OPRL1: variants seen among roughly 807,000 people sequenced by gnomAD.
OPRL1 encodes opioid related nociceptin receptor 1.
A neutral mutation model predicts 15.5 loss-of-function variants in OPRL1; 5 were observed. The observed-to-expected ratio is 0.32, with a 90% CI of 0.17 to 0.68. The LOEUF is 0.68. Ranked by LOEUF, OPRL1 falls within the 30% of genes least tolerant of loss-of-function variation. OPRL1 has a pLI of 0.72. For missense variants in OPRL1, 406 were observed against 515.3 expected (o/e 0.79, Z 2.05); for synonymous variants, 223 against 230.2 (o/e 0.97, Z 0.28).
At position 64,092,331 on chromosome 20, in the gene OPRL1, C is replaced by T. The variant is rs554739484; in HGVS notation, c.-34+215C>T. 9.9e-5 allele frequency among the ~76,000 whole-genome samples: 15 copies of T among 152,242 alleles called. No individual in the cohort carries two copies. The South Asian group carries it at 2.3e-3, about 23-fold the overall frequency. On this transcript the variant is annotated intron_variant, in intron 2 of 4. Transcript: ENST00000336866. The stretch of plus-strand genomic sequence containing the variant: ...CCCTGCATCCCTGTGCCTGTGAACA[C>T]GCGAGTGGCTGTGTGTTCATCAGTC...
intron 3 of OPRL1, among the ~76,000 whole-genome samples, chr20:64,096,436 C>T (rs1226492987): frequency 6.6e-6 from 1 of 152,150 alleles, no homozygotes; most frequent in African/African-American, 2.4e-5. Context: ...GCCTCAGTTT[C>T]TTCCTCTATA....
At chr20:64,088,080 C>CTGGGTCCAT (rs1460831151) in intron 1 of OPRL1, among the ~76,000 whole-genome samples, 4 of 152,374 alleles carry the variant, frequency 2.6e-5, no homozygotes, top group East Asian at 3.9e-4. Context: ...CGGGGCTCTG[C>CTGGGTCCAT]TGACCACACT....
chr20:64,099,100 G>C lies in OPRL1; in HGVS notation c.*301G>C, dbSNP rs527296889. On this transcript the variant is annotated 3_prime_UTR_variant, in exon 5 of 5. Transcript: ENST00000336866. ...ACCTGGAAGCAGCTGACATGCTGGT[G>C]GACGGCCGTGACTGGAGCCCGTGCC... The C allele has an allele frequency of 4.3e-5, 18 of 422,824 alleles. No homozygotes were observed. The highest frequency in any genetic ancestry group is 6.7e-5 in the Non-Finnish European group (16 of 238,952). The allele number at this position is 422,824 out of a possible 1,614,324, so 26.2% of individuals were successfully genotyped here.
At chr20:64,093,192 C>T (rs550948910) in intron 3 of OPRL1, among the ~76,000 whole-genome samples, 5 of 151,858 alleles carry the variant, frequency 3.3e-5, no homozygotes, top group South Asian at 4.1e-4. Context: ...CAGGCAGAGA[C>T]GTCACCACCC....
intron 1 of OPRL1, chr20:64,084,199 CT>C: frequency 7.0e-7 from 1 of 1,426,896 alleles, no homozygotes; most frequent in Non-Finnish European, 9.1e-7. Flanking sequence ...TGCGCCCGCC[CT>C]CCTTCGCTGG....
chr20:64,098,293 G>A lies in OPRL1; in HGVS notation c.607G>A (p.Glu203Lys). The A allele has an allele frequency of 1.2e-6, 2 of 1,613,684 alleles. No individual in the cohort carries two copies. The highest frequency in any genetic ancestry group is 1.7e-6 in the Non-Finnish European group (2 of 1,179,888). The change falls in exon 5 of 5, where the codon GAG becomes AAG. Residue 203 changes from glutamate to lysine, a missense_variant. Coordinates refer to ENST00000336866, the MANE Select transcript of OPRL1 (RefSeq NM_182647.4). ...VEDEEIECLV[E>K]IPTPQDYWGP... ...CCCTGCAGAGATCGAGTGCCTGGTG[G>A]AGATCCCTACCCCTCAGGATTACTG...
intron 1 of OPRL1, chr20:64,084,182 G>T: frequency 6.9e-7 from 1 of 1,448,146 alleles, no homozygotes; most frequent in Non-Finnish European, 9.0e-7. Context: ...TCGCTCCCGC[G>T]GGCCCTTGCG....
chr20:64,099,112 C>A lies in OPRL1; in HGVS notation c.*313C>A. ...CTGACATGCTGGTGGACGGCCGTGA[C>A]TGGAGCCCGTGCCCCTCCCTCCCCG... On this transcript the variant is annotated 3_prime_UTR_variant, in exon 5 of 5. Transcript: ENST00000336866. 2.4e-6 allele frequency: 1 copy of A among 419,472 alleles called. No individual in the cohort carries two copies. The highest frequency in any genetic ancestry group is 4.2e-6 in the Non-Finnish European group (1 of 235,582). The allele number at this position is 419,472 out of a possible 1,614,324, so 26.0% of individuals were successfully genotyped here.
intron 1 of OPRL1, among the ~76,000 whole-genome samples, chr20:64,084,784 T>G (rs1227529857): frequency 1.3e-5 from 2 of 152,146 alleles, no homozygotes; most frequent in African/African-American, 2.4e-5. Flanking sequence ...AGCTGCCACC[T>G]TGTCCAGCCA....
chr20:64,084,305 G>C lies in OPRL1; in HGVS notation c.-185+3953G>C, dbSNP rs950595241. The C allele has an allele frequency of 1.0e-5, 13 of 1,299,030 alleles. No individual in the cohort carries two copies. The African/African-American group carries it at 1.9e-4, about 19-fold the overall frequency. 80.5% of individuals were successfully genotyped at this position (1,299,030 alleles called of 1,614,324 possible). On this transcript the variant is annotated intron_variant, in intron 1 of 4. Coordinates refer to ENST00000336866, the MANE Select transcript of OPRL1 (RefSeq NM_182647.4). ...GCCCGCCCCTCGGCAGGGCCCCAAC[G>C]TGCGCCCCAGCTCCCGCCCGCTGGG...
At position 64,097,826 on chromosome 20, in the gene OPRL1, C is replaced by G. The variant is rs766542325; in HGVS notation, c.258C>G (p.Thr86=). The change falls in exon 4 of 5, where the codon ACC becomes ACG. Residue 86 remains threonine (T), a synonymous_variant. Transcript: ENST00000336866. This position sits in a 1 kb window ranked among gnomAD's most constrained non-coding sequence, Gnocchi z 4.2. ...ILRHTKMKTA[T]NIYIFNLALA... is the part of the protein sequence containing the mutation. ...GGCACACCAAAATGAAGACAGCCACCAATATTTACATCTTTAACCTGGCCC... is the reference window on the plus strand; with the variant it reads ...GGCACACCAAAATGAAGACAGCCACGAATATTTACATCTTTAACCTGGCCC... 1 of 1,612,690 alleles carries G rather than the reference C, an allele frequency of 6.2e-7. No homozygotes were observed. The highest frequency in any genetic ancestry group is 2.2e-5 in the East Asian group (1 of 44,830).
intron 1 of OPRL1, among the ~76,000 whole-genome samples, 198 bp from the exon 2 acceptor site, chr20:64,091,768 G>T (rs557268945): frequency 6.6e-6 from 1 of 151,844 alleles, no homozygotes; most frequent in East Asian, 2.0e-4. Flanking sequence ...TGGCCTGTGC[G>T]TGTGTGTCTG....
In OPRL1 at chr20:64,098,751, C is replaced by T. The variant is rs367711919; in HGVS notation, c.1065C>T (p.Asp355=). ...VSDRVRSIAK[D]VALACKTSET... ...ACCGCGTGCGCAGCATTGCCAAGGA[C>T]GTGGCCCTGGCCTGCAAGACCTCTG... The change falls in exon 5 of 5, where the codon GAC becomes GAT. Residue 355 remains aspartate (D), a synonymous_variant. Transcript: ENST00000336866. 8.1e-6 allele frequency: 13 copies of T among 1,608,680 alleles called. No homozygotes were observed. Among genetic ancestry groups the T allele is most frequent in the South Asian group, 3.3e-5 (3 of 91,062 alleles).
Position 64,083,936 on chromosome 20 carries a change from G to A in OPRL1, c.-185+3584G>A, listed in dbSNP as rs1406308851. On this transcript the variant is annotated intron_variant, in intron 1 of 4. Transcript: ENST00000336866. The surrounding 1 kb of genome is among the most constrained non-coding windows in gnomAD (Gnocchi z 4.9). ...GGGCAGCTCGAGCGACTGCGTCCACGGGCGCGGGTCGGGCATGCGGTACCC... is the reference window on the plus strand; with the variant it reads ...GGGCAGCTCGAGCGACTGCGTCCACAGGCGCGGGTCGGGCATGCGGTACCC... The A allele has an allele frequency of 6.9e-7, 1 of 1,455,660 alleles. No individual in the cohort carries two copies. Among genetic ancestry groups the A allele is most frequent in the Non-Finnish European group, 9.0e-7 (1 of 1,109,102 alleles). The allele number at this position is 1,455,660 out of a possible 1,614,324, so 90.2% of individuals were successfully genotyped here.
intron 1 of OPRL1, among the ~76,000 whole-genome samples, chr20:64,091,471 G>T (rs897821388): frequency 1.3e-5 from 2 of 152,376 alleles, no homozygotes; most frequent in East Asian, 1.9e-4. Context: ...TATGGTGGGG[G>T]TGACTGAGCT....
chr20:64,088,654 GGAGGCCAGGATCTGTGCAGA>G (rs2060081379), intron 1 of OPRL1, among the ~76,000 whole-genome samples: 1 of 69,712 alleles, frequency 1.4e-5, no homozygotes, highest in Non-Finnish European at 2.8e-5. Context: ...ATCTGTGCAG[GGAGGCCAGGATCTGTGCAGA>G]GTGGCCAGGA....
At chr20:64,088,002 A>G (rs923087536) in intron 1 of OPRL1, among the ~76,000 whole-genome samples, 3 of 152,224 alleles carry the variant, frequency 2.0e-5, no homozygotes, top group African/African-American at 7.2e-5. Context: ...CCAATCCCCT[A>G]GCCAGGTGAC....
Position 64,097,825 on chromosome 20 carries a change from C to G in OPRL1, c.257C>G (p.Thr86Ser), listed in dbSNP as rs1979359004. The stretch of plus-strand genomic sequence containing the variant: ...AGGCACACCAAAATGAAGACAGCCA[C>G]CAATATTTACATCTTTAACCTGGCC... ...ILRHTKMKTA[T>S]NIYIFNLALA... The change falls in exon 4 of 5, where the codon ACC becomes AGC. Residue 86 changes from threonine to serine, a missense_variant. Physicochemically the swap from Thr to Ser is moderately conservative, Grantham distance 58 (BLOSUM62 1). Coordinates refer to ENST00000336866, the MANE Select transcript of OPRL1 (RefSeq NM_182647.4). The surrounding 1 kb of genome is among the most constrained non-coding windows in gnomAD (Gnocchi z 4.2). 1 of 1,612,610 alleles carries G rather than the reference C, an allele frequency of 6.2e-7. No individual in the cohort carries two copies. Among genetic ancestry groups the G allele is most frequent in the Non-Finnish European group, 8.5e-7 (1 of 1,179,258 alleles).
chr20:64,098,729 G>A lies in OPRL1; in HGVS notation c.1043G>A (p.Arg348His), dbSNP rs750611641. ...ALRRDVQVSD[R>H]VRSIAKDVAL... is the part of the protein sequence containing the mutation. Reference sequence around the variant, plus strand: ...CGCCGGGACGTGCAGGTGTCTGACCGCGTGCGCAGCATTGCCAAGGACGTG... The same window carrying A: ...CGCCGGGACGTGCAGGTGTCTGACCACGTGCGCAGCATTGCCAAGGACGTG... The change falls in exon 5 of 5, where the codon CGC becomes CAC. Residue 348 changes from arginine (R) to histidine (H), a missense_variant. By Grantham distance (29) the Arg-to-His change is conservative. Coordinates refer to ENST00000336866, the MANE Select transcript of OPRL1 (RefSeq NM_182647.4). The A allele has an allele frequency of 1.4e-5, 22 of 1,611,560 alleles. No homozygotes were observed. The highest frequency in any genetic ancestry group is 1.6e-4 in the Middle Eastern group (1 of 6,062).
Sources: allele counts gnomAD v4.1 joint callset (sites outside exome capture counted in the v4.1 genomes callset), GRCh38; gene constraint gnomAD v4.1.1; non-coding constraint Gnocchi (gnomAD v3.1); transcripts MANE v1.5; gene names NCBI Gene and HGNC (gene_info 2026-07-23, HGNC 2026-07-21).